CSNK2A2IP: variants seen among roughly 807,000 people sequenced by gnomAD.
CSNK2A2IP encodes casein kinase II subunit alpha'-interacting protein.
At chr3:88,458,543 A>G in the CSNK2A2IP span, among the ~76,000 whole-genome samples, 1 of 151,988 alleles carries the variant, frequency 6.6e-6, no homozygotes, top group Non-Finnish European at 1.5e-5. Flanking sequence ...TTGATTATCT[A>G]GTTTCCATCT....
the CSNK2A2IP span, among the ~76,000 whole-genome samples, chr3:88,427,463 G>C: frequency 4.6e-5 from 7 of 152,194 alleles, no homozygotes; most frequent in African/African-American, 1.7e-4. Context: ...TCAGGACAAG[G>C]GGGAAAATGT....
At chr3:88,386,253 T>C in the CSNK2A2IP span, among the ~76,000 whole-genome samples, 9 of 152,302 alleles carry the variant, frequency 5.9e-5, no homozygotes, top group Middle Eastern at 3.4e-3. Flanking sequence ...GTCTCCCAAG[T>C]TGCTGGGATT....
chr3:88,380,560 A>G, the CSNK2A2IP span, among the ~76,000 whole-genome samples: 4 of 151,994 alleles, frequency 2.6e-5, no homozygotes, highest in East Asian at 7.7e-4. Flanking sequence ...TATTTAAATA[A>G]CACTAAAACC....
the CSNK2A2IP span, among the ~76,000 whole-genome samples, chr3:88,445,345 G>C: frequency 6.0e-5 from 9 of 148,976 alleles, no homozygotes; most frequent in Non-Finnish European, 1.3e-4. Flanking sequence ...AGCTACTTGG[G>C]AGACGAAGGC....
the CSNK2A2IP span, among the ~76,000 whole-genome samples, chr3:88,427,119 A>G: frequency 6.6e-6 from 1 of 152,176 alleles, no homozygotes; most frequent in Non-Finnish European, 1.5e-5. Flanking sequence ...TAAAATGCTG[A>G]TAGTGATATG....
At chr3:88,351,624 A>G in the CSNK2A2IP span, among the ~76,000 whole-genome samples, 6 of 152,198 alleles carry the variant, frequency 3.9e-5, no homozygotes, top group South Asian at 1.2e-3. Flanking sequence ...AAAAAATTTC[A>G]CTTAACAATA....
At chr3:88,372,472 T>G in the CSNK2A2IP span, among the ~76,000 whole-genome samples, 1 of 151,442 alleles carries the variant, frequency 6.6e-6, no homozygotes, top group Non-Finnish European at 1.5e-5. Flanking sequence ...GAGCAATCAT[T>G]AAAAAACGTA....
At chr3:88,452,844 A>C in the CSNK2A2IP span, among the ~76,000 whole-genome samples, 1 of 152,172 alleles carries the variant, frequency 6.6e-6, no homozygotes, top group African/African-American at 2.4e-5. Flanking sequence ...ACAGTCATTG[A>C]AATAGCCAGT....
the CSNK2A2IP span, among the ~76,000 whole-genome samples, chr3:88,429,598 T>C: frequency 3.3e-5 from 5 of 152,218 alleles, no homozygotes; most frequent in Admixed American, 2.6e-4. Flanking sequence ...CTATGTTCTC[T>C]ATACCTTTCA....
the CSNK2A2IP span, among the ~76,000 whole-genome samples, chr3:88,462,669 G>C: frequency 4.4e-4 from 67 of 152,296 alleles, no homozygotes; most frequent in Middle Eastern, 3.4e-3. Context: ...GCTTGGGAGG[G>C]TGAAGCTGCC....
chr3:88,460,819 G>A, the CSNK2A2IP span, among the ~76,000 whole-genome samples: 1 of 152,106 alleles, frequency 6.6e-6, no homozygotes, highest in East Asian at 1.9e-4. Flanking sequence ...TGGACGCCAT[G>A]GCTCACACCT....
the CSNK2A2IP span, among the ~76,000 whole-genome samples, chr3:88,434,245 T>TAACA: frequency 6.6e-6 from 1 of 152,216 alleles, no homozygotes; most frequent in East Asian, 1.9e-4. Flanking sequence ...ACTACCTGTC[T>TAACA]AACAATACTG....
At chr3:88,448,642 A>T in the CSNK2A2IP span, among the ~76,000 whole-genome samples, 1 of 152,310 alleles carries the variant, frequency 6.6e-6, no homozygotes, top group Admixed American at 6.5e-5. Flanking sequence ...ATTATTAAGG[A>T]TTTCCCACTC....
chr3:88,359,267 C>A, the CSNK2A2IP span, among the ~76,000 whole-genome samples: 353 of 151,420 alleles, frequency 2.3e-3, 4 homozygotes, highest in East Asian at 0.033. Flanking sequence ...TTATTTGGTT[C>A]TTTTTTCTTC....
chr3:88,465,795 A>G, the CSNK2A2IP span: 1 of 1,231,700 alleles, frequency 8.1e-7, no homozygotes, highest in Non-Finnish European at 1.0e-6. Context: ...TCAATCAAGC[A>G]GCCCTGAGTT....
chr3:88,465,663 A>G, the CSNK2A2IP span: 12 of 1,231,524 alleles, frequency 9.7e-6, no homozygotes, highest in Non-Finnish European at 1.1e-5. Flanking sequence ...ACACACCTTC[A>G]ATAGGCCTCC....
At chr3:88,448,215 TGA>T in the CSNK2A2IP span, among the ~76,000 whole-genome samples, 1 of 152,162 alleles carries the variant, frequency 6.6e-6, no homozygotes, top group African/African-American at 2.4e-5. Context: ...TTTGTGATCC[TGA>T]GATCCTGGAT....
chr3:88,390,147 G>A, the CSNK2A2IP span, among the ~76,000 whole-genome samples: 1 of 152,132 alleles, frequency 6.6e-6, no homozygotes, highest in Non-Finnish European at 1.5e-5. Context: ...TGTGTCTGTG[G>A]AGGATGGTGT....
chr3:88,454,121 T>C, the CSNK2A2IP span, among the ~76,000 whole-genome samples: 2 of 152,032 alleles, frequency 1.3e-5, no homozygotes, highest in Non-Finnish European at 2.9e-5. Context: ...TAAATTTTAG[T>C]TATTCAAGAA....
Sources: allele counts gnomAD v4.1 joint callset (sites outside exome capture counted in the v4.1 genomes callset), GRCh38; gene constraint gnomAD v4.1.1; transcripts MANE v1.5; gene names NCBI Gene and HGNC (gene_info 2026-07-23, HGNC 2026-07-21).